The following ABCA8 variants were observed in gnomAD, a reference collection of about 807,000 sequenced individuals.
The protein encoded by ABCA8 is ABC-type organic anion transporter ABCA8.
In ABCA8, 177 loss-of-function variants were observed where a neutral mutation model predicts 192.3. The ratio of observed to expected loss-of-function variants is 0.92; its 90% CI spans 0.81 to 1.04. The LOEUF (loss-of-function observed/expected upper bound fraction) is 1.04. Ranked by LOEUF, ABCA8 falls within the 50% of genes least tolerant of loss-of-function variation. The probability of loss-of-function intolerance (pLI) is 0.00; values close to 1 mark genes in which losing one functional copy is unlikely to be tolerated. For synonymous variants in ABCA8, 642 were observed against 690.2 expected (o/e 0.93, Z 1.09); for missense variants, 1,915 against 1,904.8 (o/e 1.01, Z -0.10).
At chr17:68,899,939 T>C (rs1025302848) in intron 21 of ABCA8, among the ~76,000 whole-genome samples, 5 of 152,296 alleles carry the variant, frequency 3.3e-5, no homozygotes, top group Admixed American at 2.6e-4. Context: ...ACTTATGCTA[T>C]GCAGCGAAAG....
Position 68,918,560 on chromosome 17 carries a change from A to G in ABCA8, c.1789-14T>C. On this transcript the variant is annotated splice_polypyrimidine_tract_variant and intron_variant, in intron 14 of 39. Transcript: ENST00000586539. Reference sequence around the variant, plus strand: ...AACCCTTTGTATCTAACCAAAAGACAGTATTTATGTCATACACCAAAATTT... The same window carrying G: ...AACCCTTTGTATCTAACCAAAAGACGGTATTTATGTCATACACCAAAATTT... 1.4e-6 allele frequency: 2 copies of G among 1,476,362 alleles called. No individual in the cohort carries two copies. Among genetic ancestry groups the G allele is most frequent in the East Asian group, 2.5e-5 (1 of 40,418 alleles). 91.5% of individuals were successfully genotyped at this position (1,476,362 alleles called of 1,614,324 possible).
chr17:68,930,897 A>G (rs1433876060), intron 7 of ABCA8, among the ~76,000 whole-genome samples: 2 of 151,826 alleles, frequency 1.3e-5, no homozygotes, highest in African/African-American at 4.8e-5. Context: ...TTAATGTCCT[A>G]CTCCCTGTAA....
At position 68,928,045 on chromosome 17, in the gene ABCA8, C is replaced by T. The variant is rs1266016191; in HGVS notation, c.1144G>A (p.Asp382Asn). ...GMAQLLHLDY[D>N]LNSNAFPHPS... The stretch of plus-strand genomic sequence containing the variant: ...TGAGGAAATGCATTAGAATTCAAAT[C>T]ATAGTCCAAGTGTAAAAGCTGAAAA... The change falls in exon 10 of 40, where the codon GAT becomes AAT. Residue 382 changes from aspartate to asparagine, a missense_variant. By Grantham distance (23) the Asp-to-Asn change is conservative. Transcript: ENST00000586539. The T allele has an allele frequency of 1.3e-6, 2 of 1,593,612 alleles. No individual in the cohort carries two copies. The highest frequency in any genetic ancestry group is 3.7e-5 in the Admixed American group (2 of 54,592).
chr17:68,883,867 TA>T lies in ABCA8; in HGVS notation c.3630del (p.Phe1210LeufsTer20), dbSNP rs1567826136. The T allele has an allele frequency of 1.3e-5, 21 of 1,588,082 alleles. No individual in the cohort carries two copies. Among genetic ancestry groups the T allele is most frequent in the Non-Finnish European group, 1.5e-5 (18 of 1,165,242 alleles). ...FLVFLIPFLH[F>X]IIFLFTLRCL... Reference sequence around the variant, plus strand: ...CATCGAAGAGTAAAAAGAAAAATGATAAAATGAAGGAAAGGCTAGGAATAAA... The same window carrying T: ...CATCGAAGAGTAAAAAGAAAAATGATAAATGAAGGAAAGGCTAGGAATAAA... On this transcript the variant is annotated frameshift_variant, in exon 29 of 40. Coordinates refer to ENST00000586539, the MANE Select transcript of ABCA8 (RefSeq NM_001288985.2). LOFTEE classifies it high-confidence loss of function.
chr17:68,889,561 C>T (rs1469066899), intron 24 of ABCA8, among the ~76,000 whole-genome samples: 1 of 152,020 alleles, frequency 6.6e-6, no homozygotes, highest in African/African-American at 2.4e-5. Context: ...GTATAATTCT[C>T]AAACAAGAAA....
chr17:68,900,485 C>T (rs377711554), intron 21 of ABCA8, among the ~76,000 whole-genome samples: 2 of 145,444 alleles, frequency 1.4e-5, no homozygotes, highest in East Asian at 4.0e-4. Flanking sequence ...CAGATAGCTA[C>T]ACTAGTACAT....
chr17:68,922,357 G>T, intron 11 of ABCA8, 57 bp from the exon 12 acceptor site: 2 of 1,177,454 alleles, frequency 1.7e-6, no homozygotes, highest in Non-Finnish European at 2.3e-6. Flanking sequence ...GTAATTTCCA[G>T]TTTGGTAGAC....
intron 4 of ABCA8, among the ~76,000 whole-genome samples, chr17:68,939,514 AT>A (rs1300788277): frequency 1.3e-5 from 2 of 152,150 alleles, no homozygotes; most frequent in Non-Finnish European, 2.9e-5. Flanking sequence ...CCTTGAAGTT[AT>A]TGTGAACTAT....
intron 4 of ABCA8, among the ~76,000 whole-genome samples, chr17:68,939,938 A>T (rs2068177945): frequency 1.3e-5 from 2 of 152,086 alleles, no homozygotes; most frequent in Admixed American, 6.6e-5. Flanking sequence ...GCTAATAATA[A>T]GGCTAAGAGA....
chr17:68,890,759 T>A (rs1283981729), intron 24 of ABCA8, among the ~76,000 whole-genome samples: 5 of 152,358 alleles, frequency 3.3e-5, no homozygotes, highest in African/African-American at 1.2e-4. Flanking sequence ...TCTCAGGTGA[T>A]CCGCCCACCT....
chr17:68,924,600 G>A, intron 11 of ABCA8, 101 bp downstream of exon 11: 2 of 1,313,890 alleles, frequency 1.5e-6, no homozygotes, highest in South Asian at 2.9e-5. Context: ...GAGGACAGGT[G>A]GGAACTGTCT....
intron 24 of ABCA8, among the ~76,000 whole-genome samples, chr17:68,890,514 A>G (rs1189132382): frequency 6.6e-6 from 1 of 151,918 alleles, no homozygotes; most frequent in Non-Finnish European, 1.5e-5. Flanking sequence ...TTATTTTTAA[A>G]TTATTTAATT....
intron 11 of ABCA8, 119 bp downstream of exon 11, chr17:68,924,582 G>T: frequency 9.3e-7 from 1 of 1,071,806 alleles, no homozygotes; most frequent in Non-Finnish European, 1.3e-6. Context: ...GACAGAAGCA[G>T]CATAGGTGAG....
Position 68,918,078 on chromosome 17 carries a change from G to C in ABCA8, c.2016C>G (p.Thr672=), listed in dbSNP as rs780029037. 6.2e-7 allele frequency: 1 copy of C among 1,614,132 alleles called. No homozygotes were observed. Among genetic ancestry groups the C allele is most frequent in the South Asian group, 1.1e-5 (1 of 91,064 alleles). ...GGATGTCGGCCTCATCCATGAACTG[G>C]GTACTGAAGAGGATCACGCGGTCTG... The part of the protein sequence containing the change: ...RKTDRVILFS[T]QFMDEADILA... Residue 672 remains threonine, a synonymous_variant, in exon 16 of 40, where the codon ACC becomes ACG. Transcript: ENST00000586539.
At chr17:68,875,002 G>C (rs950418796) in intron 37 of ABCA8, among the ~76,000 whole-genome samples, 3 of 152,068 alleles carry the variant, frequency 2.0e-5, no homozygotes, top group African/African-American at 7.2e-5. Flanking sequence ...TACTGGAATA[G>C]CTATGTCTAC....
intron 1 of ABCA8, among the ~76,000 whole-genome samples, chr17:68,949,997 C>T (rs1191241213): frequency 6.6e-6 from 1 of 152,160 alleles, no homozygotes; most frequent in African/African-American, 2.4e-5. Context: ...GAGAGGAAGT[C>T]AAATTGTCAC....
chr17:68,901,589 C>T (rs926901815), intron 21 of ABCA8, among the ~76,000 whole-genome samples: 3 of 152,112 alleles, frequency 2.0e-5, no homozygotes, highest in African/African-American at 7.2e-5. Flanking sequence ...GGGCGGATCA[C>T]GAGGTCAAGA....
chr17:68,926,865 A>T (rs575508537), intron 10 of ABCA8, among the ~76,000 whole-genome samples: 1 of 152,224 alleles, frequency 6.6e-6, no homozygotes. Flanking sequence ...GTGTGTATTC[A>T]TTGCTTTTTG....
chr17:68,922,595 C>T (rs772245498), intron 11 of ABCA8, among the ~76,000 whole-genome samples: 18 of 152,072 alleles, frequency 1.2e-4, no homozygotes, highest in East Asian at 5.8e-4. Flanking sequence ...GTATTGAGAA[C>T]GGGATCACCT....
Sources: gnomAD v4.1 joint callset for allele counts (sites outside exome capture counted in the v4.1 genomes callset) on GRCh38, gnomAD v4.1.1 for gene constraint, MANE v1.5 for transcripts, NCBI Gene and HGNC (gene_info 2026-07-23, HGNC 2026-07-21) for gene names.